Variants in FAM135A observed in about 807,000 individuals in gnomAD.
FAM135A encodes the protein protein FAM135A.
Under a neutral mutation model 146.8 loss-of-function variants are expected in FAM135A, and 79 were observed. That is an observed-to-expected ratio of 0.54 (90% CI 0.45 to 0.65). The LOEUF is 0.65. Ranked by LOEUF, FAM135A falls within the 30% of genes least tolerant of loss-of-function variation. The pLI is 0.00. For missense variants in FAM135A, 1,623 were observed against 1,758.2 expected (o/e 0.92, Z 1.38); for synonymous variants, 562 against 603.6 (o/e 0.93, Z 1.01).
At chr6:70,415,481 C>G (rs781033129) in intron 2 of FAM135A, 105 bp downstream of exon 2, 5 of 152,074 alleles carry the variant, frequency 3.3e-5, no homozygotes, top group African/African-American at 4.8e-5. Context: ...CTAGGAGGCT[C>G]TGGTGTCATC....
intron 16 of FAM135A, among the ~76,000 whole-genome samples, chr6:70,531,894 T>A (rs1795876646): frequency 1.9e-5 from 2 of 105,054 alleles, no homozygotes; most frequent in Non-Finnish European, 2.1e-5. Flanking sequence ...ATTTCTTTTT[T>A]TTTTTTTTTT....
chr6:70,420,470 C>T (rs537441316), intron 2 of FAM135A, among the ~76,000 whole-genome samples: 16 of 152,290 alleles, frequency 1.1e-4, no homozygotes, highest in African/African-American at 3.4e-4. Context: ...TCCAGATATC[C>T]ATGCCTGGAC....
chr6:70,509,471 G>T (rs1790510722), intron 12 of FAM135A, among the ~76,000 whole-genome samples: 1 of 152,052 alleles, frequency 6.6e-6, no homozygotes, highest in South Asian at 2.1e-4. Context: ...TAAGCCCAAG[G>T]ATTCATCTAA....
At chr6:70,502,850 A>T in intron 12 of FAM135A, 59 bp downstream of exon 12, 1 of 1,520,720 alleles carries the variant, frequency 6.6e-7, no homozygotes, top group Non-Finnish European at 8.9e-7. Flanking sequence ...CCTTTAGAAA[A>T]TTTTTATGAA....
intron 12 of FAM135A, among the ~76,000 whole-genome samples, chr6:70,512,991 T>A (rs948771474): frequency 2.6e-5 from 4 of 151,738 alleles, no homozygotes; most frequent in Admixed American, 2.6e-4. Flanking sequence ...CTTTCTTTTT[T>A]TTTTCTGTTC....
intron 1 of FAM135A, chr6:70,413,941 C>G: frequency 1.0e-6 from 1 of 985,548 alleles, no homozygotes; most frequent in Non-Finnish European, 1.2e-6. Flanking sequence ...GCGCTGCTCT[C>G]CCGGTGCCCG....
intron 2 of FAM135A, chr6:70,417,586 A>C: frequency 1.0e-6 from 1 of 983,710 alleles, no homozygotes. Context: ...CTGAACTAGA[A>C]TAAGTATTCC....
In FAM135A at chr6:70,481,988, GT is replaced by G. The variant is rs747836556; in HGVS notation, c.670-7del. The G allele has an allele frequency of 6.2e-7, 1 of 1,606,894 alleles. No individual in the cohort carries two copies. Among genetic ancestry groups the G allele is most frequent in the Non-Finnish European group, 8.5e-7 (1 of 1,176,516 alleles). The stretch of plus-strand genomic sequence containing the variant: ...TACTGACACTCTGTATCCTACATCT[GT>G]TTTTTGTTTAGGGTTGTAGCTTCAT... On this transcript the variant is annotated splice_polypyrimidine_tract_variant and intron_variant, in intron 9 of 21. Coordinates refer to ENST00000418814, the MANE Select transcript of FAM135A (RefSeq NM_001162529.3).
In FAM135A at chr6:70,545,081, A is replaced by C. The variant is rs889557330; in HGVS notation, c.4228+6680A>C. Among the ~76,000 whole-genome samples the C allele has an allele frequency of 3.3e-5, 5 of 151,614 alleles. No individual in the cohort carries two copies. In the East Asian group the frequency reaches 9.7e-4, roughly 29 times the overall value. ...AAAAAACAAACAAAAACAAACAAAC[A>C]AAAAAAACCACGAGTATTATAGATT... On this transcript the variant is annotated intron_variant, in intron 20 of 21. Coordinates refer to ENST00000418814, the MANE Select transcript of FAM135A (RefSeq NM_001162529.3).
intron 12 of FAM135A, 33 bp downstream of exon 12, chr6:70,502,824 T>C (rs1788879935): frequency 6.3e-7 from 1 of 1,590,220 alleles, no homozygotes; most frequent in East Asian, 2.2e-5. Context: ...TAGAGCATTT[T>C]AATGAGTATT....
At chr6:70,431,621 G>A (rs1273612773) in intron 4 of FAM135A, among the ~76,000 whole-genome samples, 2 of 152,184 alleles carry the variant, frequency 1.3e-5, no homozygotes, top group Non-Finnish European at 2.9e-5. Flanking sequence ...TTCTTAATGG[G>A]AGTCACACTG....
intron 20 of FAM135A, among the ~76,000 whole-genome samples, chr6:70,544,554 A>G (rs940414453): frequency 6.6e-6 from 1 of 151,924 alleles, no homozygotes; most frequent in African/African-American, 2.4e-5. Flanking sequence ...AGCCTGGGCA[A>G]CATGGTGAAA....
chr6:70,451,377 T>C (rs1438285279), intron 4 of FAM135A, among the ~76,000 whole-genome samples: 2 of 152,222 alleles, frequency 1.3e-5, no homozygotes, highest in Non-Finnish European at 1.5e-5. Flanking sequence ...GTCAAAACCC[T>C]TGACATGGGA....
At chr6:70,527,287 C>G (rs543444595) in intron 15 of FAM135A, among the ~76,000 whole-genome samples, 2 of 152,114 alleles carry the variant, frequency 1.3e-5, no homozygotes, top group African/African-American at 4.8e-5. Flanking sequence ...GGTTTACCAG[C>G]GTGCACTGGT....
chr6:70,538,830 A>ATTATG (rs1043745956), intron 20 of FAM135A, among the ~76,000 whole-genome samples: 3 of 146,050 alleles, frequency 2.1e-5, no homozygotes, highest in Non-Finnish European at 4.5e-5. Flanking sequence ...ATTATATTAT[A>ATTATG]TTATATTATA....
In FAM135A at chr6:70,526,148, G is replaced by A. The variant is rs901985483; in HGVS notation, c.3064G>A (p.Gly1022Ser). 2 of 1,613,534 alleles carry A rather than the reference G, an allele frequency of 1.2e-6. No homozygotes were observed. Among genetic ancestry groups the A allele is most frequent in the Non-Finnish European group, 1.7e-6 (2 of 1,179,642 alleles). Reference sequence around the variant, plus strand: ...TACAGTTGAAAGTGAAACTCATCTGGGTACAAGTGATCCTTTTTCAGCCAG... The same window carrying A: ...TACAGTTGAAAGTGAAACTCATCTGAGTACAAGTGATCCTTTTTCAGCCAG... ...IPTVESETHLGTSDPFSASTD... is the reference protein window; with the variant it reads ...IPTVESETHLSTSDPFSASTD... Residue 1022 changes from glycine (G) to serine (S), a missense_variant, in exon 15 of 22, where the codon GGT (glycine) becomes AGT (serine). This residue lies in a region of FAM135A where 1,061 missense variants were observed against 1,113.8 expected (regional missense o/e 0.95). Coordinates refer to ENST00000418814, the MANE Select transcript of FAM135A (RefSeq NM_001162529.3).
At chr6:70,553,103 G>A (rs919918467) in intron 20 of FAM135A, among the ~76,000 whole-genome samples, 13 of 151,890 alleles carry the variant, frequency 8.6e-5, no homozygotes, top group African/African-American at 3.1e-4. Flanking sequence ...TATTTTTAAA[G>A]CACAATTGGG....
At chr6:70,450,838 T>G (rs1776925626) in intron 4 of FAM135A, among the ~76,000 whole-genome samples, 1 of 146,240 alleles carries the variant, frequency 6.8e-6, no homozygotes, top group South Asian at 2.2e-4. Context: ...GCCTCCTGGA[T>G]TTAAGCAATT....
chr6:70,415,779 A>G (rs778541854), intron 2 of FAM135A, among the ~76,000 whole-genome samples: 1 of 152,138 alleles, frequency 6.6e-6, no homozygotes, highest in Non-Finnish European at 1.5e-5. Flanking sequence ...CAGGCAGAAG[A>G]CTAGAATTTC....
Sources: gnomAD v4.1 joint callset for allele counts (sites outside exome capture counted in the v4.1 genomes callset) on GRCh38, gnomAD v4.1.1 for gene constraint, gnomAD v4.1.1 regional missense constraint, MANE v1.5 for transcripts, NCBI Gene and HGNC (gene_info 2026-07-23, HGNC 2026-07-21) for gene names.